HMCN1: variants seen among roughly 807,000 people sequenced by gnomAD.
HMCN1 encodes hemicentin-1.
Under a neutral mutation model 625.9 loss-of-function variants are expected in HMCN1, and 321 were observed. That is an observed-to-expected ratio of 0.51 (90% CI 0.47 to 0.56). The LOEUF (loss-of-function observed/expected upper bound fraction) is 0.56, where lower values mean the gene tolerates loss of function less well. HMCN1 is among the 20% of genes least tolerant of loss of function. The pLI, the probability that HMCN1 is intolerant of heterozygous loss-of-function variation, is 0.00. For synonymous variants in HMCN1, 2,425 were observed against 2,417.6 expected, an observed-to-expected ratio of 1.00 and a Z score of -0.09; for missense variants, 6,588 against 6,887.3, an observed-to-expected ratio of 0.96 and a Z score of 1.54.
intron 1 of HMCN1, among the ~76,000 whole-genome samples, chr1:185,746,700 G>T (rs1654429705): frequency 6.6e-6 from 1 of 151,310 alleles, no homozygotes; most frequent in South Asian, 2.1e-4. Context: ...TGCCTCCCAG[G>T]TTCTAGCGAT....
chr1:185,946,061 T>C (rs1449787942), intron 11 of HMCN1, among the ~76,000 whole-genome samples: 1 of 152,140 alleles, frequency 6.6e-6, no homozygotes, highest in Non-Finnish European at 1.5e-5. Flanking sequence ...GTGACCATGA[T>C]GAAGTTGAAG....
Position 186,067,948 on chromosome 1 carries a change from T to C in HMCN1, c.7820T>C (p.Ile2607Thr). The C allele has an allele frequency of 6.2e-7, 1 of 1,613,610 alleles. No individual in the cohort carries two copies. Among genetic ancestry groups the C allele is most frequent in the Non-Finnish European group, 8.5e-7 (1 of 1,179,554 alleles). ...CEAYSYPPAT[I>T]TWFKDGTPLE... The stretch of plus-strand genomic sequence containing the variant: ...GCTTATTCATATCCTCCAGCTACCA[T>C]CACCTGGTTTAAGGATGGCACTCCT... Residue 2607 changes from isoleucine (I) to threonine (T), a missense_variant, in exon 50 of 107, where the codon ATC (isoleucine) becomes ACC (threonine). By Grantham distance (89) the Ile-to-Thr change is moderately conservative. Coordinates refer to ENST00000271588, the MANE Select transcript of HMCN1 (RefSeq NM_031935.3).
At chr1:186,041,239 C>T in intron 40 of HMCN1, 103 bp downstream of exon 40, 3 of 999,076 alleles carry the variant, frequency 3.0e-6, no homozygotes, top group Admixed American at 1.7e-5. Flanking sequence ...GAACAATGAA[C>T]CTTAGAAATG....
At position 186,128,247 on chromosome 1, in the gene HMCN1, C is replaced by T; in HGVS notation, c.12860C>T (p.Pro4287Leu). 6.2e-7 allele frequency: 1 copy of T among 1,613,486 alleles called. No homozygotes were observed. The highest frequency in any genetic ancestry group is 8.5e-7 in the Non-Finnish European group (1 of 1,179,628). Residue 4287 changes from proline (P) to leucine (L), a missense_variant, in exon 83 of 107, where the codon CCA (proline) becomes CTA (leucine). Physicochemically the swap from Pro to Leu is moderately conservative, Grantham distance 98. This residue lies in a region of HMCN1 where 1,954 missense variants were observed against 2,013.1 expected (regional missense o/e 0.97). Coordinates refer to ENST00000271588, the MANE Select transcript of HMCN1 (RefSeq NM_031935.3). ...TTAAGCTGTAAAGCTACTGGTATTC[C>T]ATTGCCCAAATTAACATGGACCTTC... ...LRLSCKATGI[P>L]LPKLTWTFNN...
chr1:185,738,315 A>G (rs1356965324), intron 1 of HMCN1, among the ~76,000 whole-genome samples: 4 of 152,034 alleles, frequency 2.6e-5, no homozygotes, highest in African/African-American at 4.8e-5. Context: ...CTATACCCCA[A>G]TCATCTTCCC....
At chr1:185,961,021 C>G (rs986735076) in intron 11 of HMCN1, among the ~76,000 whole-genome samples, 1 of 152,006 alleles carries the variant, frequency 6.6e-6, no homozygotes, top group Non-Finnish European at 1.5e-5. Flanking sequence ...AACAAGAATC[C>G]GTGGAATAAT....
At chr1:185,908,155 A>G (rs1666200939) in intron 4 of HMCN1, among the ~76,000 whole-genome samples, 1 of 151,904 alleles carries the variant, frequency 6.6e-6, no homozygotes, top group African/African-American at 2.4e-5. Context: ...TTATTTTATG[A>G]TAAATGTGAT....
intron 4 of HMCN1, among the ~76,000 whole-genome samples, chr1:185,896,434 C>T (rs1056159706): frequency 3.3e-5 from 5 of 151,628 alleles, no homozygotes; most frequent in African/African-American, 9.7e-5. Flanking sequence ...CACCCATATA[C>T]GTATGGAAAG....
chr1:186,063,448 GAGAA>G (rs1452311178), intron 48 of HMCN1, among the ~76,000 whole-genome samples: 6 of 126,362 alleles, frequency 4.7e-5, no homozygotes, highest in African/African-American at 1.9e-4. Context: ...GGGACGGAGA[GAGAA>G]GGAAGGAAGG....
At position 185,962,588 on chromosome 1, in the gene HMCN1, T is replaced by C. The variant is rs1441180035; in HGVS notation, c.1899T>C (p.Cys633=). 1 of 1,603,346 alleles carries C rather than the reference T, an allele frequency of 6.2e-7. No homozygotes were observed. Among genetic ancestry groups the C allele is most frequent in the East Asian group, 2.2e-5 (1 of 44,812 alleles). ...GAGGGTCTGAGGTCTCCATCATGTG[T>C]TCTGCAACAGGTTATCCCAAACCAA... The part of the protein sequence containing the change: ...FTGGSEVSIM[C]SATGYPKPKI... Residue 633 remains cysteine, a synonymous_variant, in exon 12 of 107, where the codon TGT becomes TGC. Coordinates refer to ENST00000271588, the MANE Select transcript of HMCN1 (RefSeq NM_031935.3).
At chr1:185,858,835 A>G (rs1353709619) in intron 2 of HMCN1, among the ~76,000 whole-genome samples, 1 of 151,542 alleles carries the variant, frequency 6.6e-6, no homozygotes, top group African/African-American at 2.4e-5. Flanking sequence ...CATTACTTCC[A>G]ATTTTTAAAT....
rs757702222 is a variant in HMCN1, at chr1:186,172,183, A to G, written c.15814+52A>G. 5.0e-6 allele frequency: 8 copies of G among 1,605,638 alleles called. No homozygotes were observed. The East Asian group carries it at 1.8e-4, about 36-fold the overall frequency. On this transcript the variant is annotated intron_variant, in intron 102 of 106. Transcript: ENST00000271588. ...GAGATCAGTTTGCCGTCAACAAGTC[A>G]AGTAAGGCATTCATTTTAAAAGAAG...
At chr1:185,815,292 TG>T (rs1473810310) in intron 1 of HMCN1, among the ~76,000 whole-genome samples, 6 of 150,292 alleles carry the variant, frequency 4.0e-5, no homozygotes, top group Admixed American at 6.6e-5. Context: ...GATTTAAGTG[TG>T]ATGAGAAATT....
chr1:186,008,212 T>G (rs1653767084), intron 30 of HMCN1, among the ~76,000 whole-genome samples: 1 of 152,140 alleles, frequency 6.6e-6, no homozygotes, highest in Admixed American at 6.6e-5. Context: ...ATAGCAAGTC[T>G]CAAGAAATAT....
At chr1:185,984,410 G>GAGGA in intron 19 of HMCN1, 97 bp downstream of exon 19, 2 of 1,124,176 alleles carry the variant, frequency 1.8e-6, no homozygotes, top group Non-Finnish European at 2.7e-6. Context: ...ATTACAATTA[G>GAGGA]ATATCTCTCT....
At chr1:185,754,844 T>C (rs1443248481) in intron 1 of HMCN1, among the ~76,000 whole-genome samples, 2 of 152,062 alleles carry the variant, frequency 1.3e-5, no homozygotes, top group Admixed American at 6.6e-5. Flanking sequence ...TGAGACCCTG[T>C]CTCAAAAAAA....
Position 186,094,282 on chromosome 1 carries a change from G to A in HMCN1, c.10203G>A (p.Val3401=). The part of the protein sequence containing the change: ...LLAAGQVIRI[V]RAQVSDVAVY... ...GGATCAAATTGTTTCTCAGGATTGT[G>A]AGAGCTCAGGTGTCTGATGTCGCTG... Residue 3401 remains valine (V), a synonymous_variant, in exon 67 of 107, where the codon GTG becomes GTA. Transcript: ENST00000271588. 1 of 1,612,480 alleles carries A rather than the reference G, an allele frequency of 6.2e-7. No individual in the cohort carries two copies. The highest frequency in any genetic ancestry group is 8.5e-7 in the Non-Finnish European group (1 of 1,178,796).
chr1:186,023,140 A>T lies in HMCN1; in HGVS notation c.5736A>T (p.Gln1912His), dbSNP rs201746135. The change falls in exon 36 of 107, where the codon CAA becomes CAT. Residue 1912 changes from glutamine (Q) to histidine (H), a missense_variant. Transcript: ENST00000271588. Reference protein sequence around the residue: ...NAAGETQQHIQLHVHEPPSLE... With the variant: ...NAAGETQQHIHLHVHEPPSLE... Reference sequence around the variant, plus strand: ...CTGGAGAAACACAACAGCACATTCAACTGCATGTTCATGGTAATGTAATTT... The same window carrying T: ...CTGGAGAAACACAACAGCACATTCATCTGCATGTTCATGGTAATGTAATTT... 18 of 1,613,146 alleles carry T rather than the reference A, an allele frequency of 1.1e-5. No homozygotes were observed. In the Admixed American group the frequency reaches 2.0e-4, roughly 18 times the overall value.
chr1:185,946,436 A>G (rs990041777), intron 11 of HMCN1, among the ~76,000 whole-genome samples: 1 of 152,220 alleles, frequency 6.6e-6, no homozygotes, highest in Non-Finnish European at 1.5e-5. Flanking sequence ...GTCTCCTTCT[A>G]ATATGCCAGG....
Sources: gnomAD v4.1 joint callset for allele counts (sites outside exome capture counted in the v4.1 genomes callset) on GRCh38, gnomAD v4.1.1 for gene constraint, gnomAD v4.1.1 regional missense constraint, MANE v1.5 for transcripts, NCBI Gene and HGNC (gene_info 2026-07-23, HGNC 2026-07-21) for gene names.